The following TBCD variants were observed in gnomAD, a reference collection of about 807,000 sequenced individuals.
The protein encoded by TBCD is tubulin folding cofactor D, also known as tubulin-specific chaperone D.
TBCD carries 105 observed loss-of-function variants against 169.3 expected under a neutral mutation model. The ratio of observed to expected loss-of-function variants is 0.62; its 90% confidence interval spans 0.53 to 0.73. The LOEUF (loss-of-function observed/expected upper bound fraction) is 0.73. TBCD is among the 30% of genes least tolerant of loss of function. TBCD has a pLI of 0.00. For missense variants in TBCD, 1,444 were observed against 1,600.1 expected (o/e 0.90, Z 1.66); for synonymous variants, 700 against 643.9 (o/e 1.09, Z -1.32).
chr17:82,838,630 T>C, intron 13 of TBCD: 1 of 985,394 alleles, frequency 1.0e-6, no homozygotes, highest in Non-Finnish European at 1.2e-6. Context: ...TTTGTGAGTT[T>C]TACTCCAATT....
At position 82,766,329 on chromosome 17, in the gene TBCD, T is replaced by A. The variant is rs1436936791; in HGVS notation, c.396T>A (p.Val132=). ...FPHEVADVEP[V]LDLVTIQNPK... ...ATGAAGTTGCCGATGTAGAGCCTGT[T>A]TTAGATTTGGTCACAATTCAGAATC... Residue 132 remains valine (V), a synonymous_variant, in exon 4 of 39, where the codon GTT becomes GTA. Transcript: ENST00000355528. The A allele has an allele frequency of 1.9e-6, 3 of 1,613,456 alleles. No homozygotes were observed. In the South Asian group the frequency reaches 3.3e-5, roughly 18 times the overall value.
intron 22 of TBCD, among the ~76,000 whole-genome samples, chr17:82,911,287 G>A (rs906312555): frequency 3.3e-5 from 5 of 152,242 alleles, no homozygotes; most frequent in African/African-American, 7.2e-5. Flanking sequence ...CCAGGGCAGC[G>A]CGCCTGCCCT....
intron 1 of TBCD, among the ~76,000 whole-genome samples, chr17:82,755,862 A>G (rs1007000923): frequency 2.0e-5 from 3 of 152,172 alleles, no homozygotes; most frequent in Admixed American, 6.5e-5. Context: ...GAAGGAAGGA[A>G]GAGGCGAGGA....
intron 13 of TBCD, among the ~76,000 whole-genome samples, chr17:82,837,646 A>G (rs2054102989): frequency 6.6e-6 from 1 of 151,970 alleles, no homozygotes; most frequent in African/African-American, 2.4e-5. Flanking sequence ...TGTGATCCTG[A>G]AGGAGGGTTT....
chr17:82,790,844 C>G (rs545757856), intron 7 of TBCD, among the ~76,000 whole-genome samples: 145 of 152,252 alleles, frequency 9.5e-4, no homozygotes, highest in African/African-American at 2.7e-3. Flanking sequence ...GTGCCACCCC[C>G]ACCTGCACTG....
chr17:82,933,002 C>T (rs893882101), intron 34 of TBCD: 7 of 490,738 alleles, frequency 1.4e-5, no homozygotes, highest in Admixed American at 3.4e-5. Context: ...TGCACTCTCC[C>T]CCCAGCTATC....
intron 17 of TBCD, among the ~76,000 whole-genome samples, chr17:82,895,251 C>T (rs1312883150): frequency 3.3e-5 from 5 of 152,252 alleles, no homozygotes; most frequent in Admixed American, 3.3e-4. Flanking sequence ...CAGGCCCCTC[C>T]AATCCTGAGG....
rs1289990197 is a variant in TBCD, at chr17:82,768,572, TATC to T, written c.582+9_582+11del. 6.8e-6 allele frequency: 11 copies of T among 1,613,256 alleles called. No homozygotes were observed. Among genetic ancestry groups the T allele is most frequent in the Non-Finnish European group, 9.3e-6 (11 of 1,179,446 alleles). On this transcript the variant is annotated splice_region_variant and intron_variant, in intron 5 of 38. Transcript: ENST00000355528. ...GTATTCTCCAAATAGCAGAGGTAAATATCATGCAGATAATTAGCTGCTAATTAG... is the reference window on the plus strand; with the variant it reads ...GTATTCTCCAAATAGCAGAGGTAAATATGCAGATAATTAGCTGCTAATTAG...
chr17:82,882,722 G>A (rs954299354), intron 14 of TBCD, among the ~76,000 whole-genome samples: 9 of 152,030 alleles, frequency 5.9e-5, no homozygotes, highest in Non-Finnish European at 8.8e-5. Flanking sequence ...AACAGACAGC[G>A]TGAGACACAG....
intron 2 of TBCD, among the ~76,000 whole-genome samples, chr17:82,756,959 G>A (rs987222714): frequency 2.0e-5 from 3 of 152,082 alleles, no homozygotes; most frequent in Non-Finnish European, 2.9e-5. Flanking sequence ...ACTGAGGCTC[G>A]GTTTTCTTAC....
At position 82,887,168 on chromosome 17, in the gene TBCD, T is replaced by TGTGTGTGTGTGTGTGCGCGCGC; in HGVS notation, c.1534-2499_1534-2498insTGTGTGTGTGTGTGCGCGCGCG. Among the ~76,000 whole-genome samples the TGTGTGTGTGTGTGTGCGCGCGC allele has an allele frequency of 1.4e-3, 173 of 126,154 alleles. 1 individual carries two copies. Among genetic ancestry groups the TGTGTGTGTGTGTGTGCGCGCGC allele is most frequent in the South Asian group, 2.4e-3 (8 of 3,398 alleles). The allele number at this position is 126,154 out of a possible 152,430, so 82.8% of individuals were successfully genotyped here. On this transcript the variant is annotated intron_variant, in intron 15 of 38. Transcript: ENST00000355528. Reference sequence around the variant, plus strand: ...GTGTGTGTGTGTGTGTGTGTGTGTGTGCGCGCGCGCGCACGTGCGCTCACG... The same window carrying TGTGTGTGTGTGTGTGCGCGCGC: ...GTGTGTGTGTGTGTGTGTGTGTGTGTGTGTGTGTGTGTGTGCGCGCGCGCGCGCGCGCGCACGTGCGCTCACG...
chr17:82,879,845 G>A (rs2058234959), intron 14 of TBCD, among the ~76,000 whole-genome samples: 1 of 151,872 alleles, frequency 6.6e-6, no homozygotes. Flanking sequence ...TGGCTTCGTT[G>A]ACTTGGCACA....
intron 7 of TBCD, among the ~76,000 whole-genome samples, chr17:82,788,580 C>T (rs2144446068): frequency 6.6e-6 from 1 of 152,278 alleles, no homozygotes; most frequent in Non-Finnish European, 1.5e-5. Context: ...CACACAACAG[C>T]ATTAAAAACC....
intron 25 of TBCD, 32 bp downstream of exon 25, chr17:82,921,609 C>A: frequency 6.2e-7 from 1 of 1,605,084 alleles, no homozygotes; most frequent in Non-Finnish European, 8.5e-7. Flanking sequence ...CCGGCCGGCG[C>A]TGTGGCGGTG....
rs140298019 is a variant in TBCD at position 82,830,297 on chromosome 17, T to C, written c.1318+15363T>C. 186 of 1,614,238 alleles carry C rather than the reference T, an allele frequency of 1.2e-4. 1 individual carries two copies. In the Middle Eastern group the frequency reaches 2.1e-3, roughly 19 times the overall value. ...TCACACTGGGCCTCTTGGCTCTCCA[T>C]GGAGCTCAGTGTGGGTGTGTCTTGC... On this transcript the variant is annotated intron_variant, in intron 13 of 38. Transcript: ENST00000355528.
rs1422179330 is a variant in TBCD at position 82,911,758 on chromosome 17, G to A, written c.2007G>A (p.Arg669=). The A allele has an allele frequency of 3.1e-6, 5 of 1,613,808 alleles. No individual in the cohort carries two copies. The South Asian group carries it at 3.3e-5, about 11-fold the overall frequency. ...HQQLYDRQLY[R]GLGGQLMRQA... The stretch of plus-strand genomic sequence containing the variant: ...TTCTGATGTTTTCATTCCTTTTCAG[G>A]GGTCTGGGAGGACAGCTCATGAGAC... The change falls in exon 23 of 39, where the codon AGG becomes AGA. Residue 669 remains arginine, a splice_region_variant and synonymous_variant. Coordinates refer to ENST00000355528, the MANE Select transcript of TBCD (RefSeq NM_005993.5).
In TBCD at chr17:82,771,903, G is replaced by A. The variant is rs976381400; in HGVS notation, c.583-549G>A. 1.1e-4 allele frequency among the ~76,000 whole-genome samples: 16 copies of A among 149,598 alleles called. 1 individual carries two copies. In the East Asian group the frequency reaches 1.6e-3, roughly 15 times the overall value. On this transcript the variant is annotated intron_variant, in intron 5 of 38. Coordinates refer to ENST00000355528, the MANE Select transcript of TBCD (RefSeq NM_005993.5). ...CGCGCCACGGCCCTCCAGCCTGGGC[G>A]ACAGAGCAAGACTCCGTCTCAAAAA...
intron 21 of TBCD, among the ~76,000 whole-genome samples, chr17:82,908,906 T>G (rs994726274): frequency 1.8e-4 from 28 of 152,370 alleles, no homozygotes; most frequent in African/African-American, 6.5e-4. Context: ...CAACGTGGCT[T>G]TTAAGCTCTC....
chr17:82,903,545 T>C lies in TBCD; in HGVS notation c.1804+67T>C. 1 of 1,464,740 alleles carries C rather than the reference T, an allele frequency of 6.8e-7. No individual in the cohort carries two copies. The highest frequency in any genetic ancestry group is 2.1e-5 in the Admixed American group (1 of 48,570). 90.7% of individuals were successfully genotyped at this position (1,464,740 alleles called of 1,614,324 possible). ...ACTGCAGAAAGGCCTGGGTTGCTGG[T>C]TTCAAAGGCTGGGGGCTGAAAATAA... On this transcript the variant is annotated intron_variant, in intron 19 of 38. Coordinates refer to ENST00000355528, the MANE Select transcript of TBCD (RefSeq NM_005993.5). The surrounding 1 kb of genome is among the most constrained non-coding windows in gnomAD (Gnocchi z 4.8).
Sources: allele counts gnomAD v4.1 joint callset (sites outside exome capture counted in the v4.1 genomes callset), GRCh38; gene constraint gnomAD v4.1.1; non-coding constraint Gnocchi (gnomAD v3.1); transcripts MANE v1.5; gene names NCBI Gene and HGNC (gene_info 2026-07-23, HGNC 2026-07-21).